LRRC69: variants seen among roughly 807,000 people sequenced by gnomAD.
LRRC69 encodes leucine-rich repeat-containing protein 69.
In LRRC69, 42 loss-of-function variants were observed where a neutral mutation model predicts 37.8. That is an observed-to-expected ratio of 1.11 (90% CI 0.87 to 1.44). The LOEUF is 1.44. Among genes scored for constraint, LRRC69 ranks in the 40% most tolerant of loss-of-function variants. LRRC69 has a pLI of 0.00. For missense variants in LRRC69, 357 were observed against 401.9 expected, an observed-to-expected ratio of 0.89 and a Z score of 0.96; for synonymous variants, 141 against 143.1, an observed-to-expected ratio of 0.99 and a Z score of 0.11.
intron 3 of LRRC69, among the ~76,000 whole-genome samples, chr8:91,129,875 T>C (rs1232143796): frequency 6.6e-6 from 1 of 152,072 alleles, no homozygotes; most frequent in Non-Finnish European, 1.5e-5. Flanking sequence ...TTCTGTCTTC[T>C]CCATTCTACC....
chr8:91,209,743 A>G (rs949323376), intron 7 of LRRC69, among the ~76,000 whole-genome samples: 2 of 152,226 alleles, frequency 1.3e-5, no homozygotes, highest in Non-Finnish European at 2.9e-5. Context: ...TAGAATTTTT[A>G]ATAGAATTTT....
At chr8:91,137,832 G>A (rs1386142859) in intron 5 of LRRC69, among the ~76,000 whole-genome samples, 1 of 151,954 alleles carries the variant, frequency 6.6e-6, no homozygotes, top group Non-Finnish European at 1.5e-5. Context: ...GAGGAGAAAT[G>A]ACCGACTCTA....
At chr8:91,189,563 C>T (rs1046825743) in exon 6 of LRRC69, 7 of 1,551,006 alleles carry the variant, frequency 4.5e-6, no homozygotes, top group East Asian at 4.9e-5. Context: ...GTGAGGGAAA[C>T]CCACTGTTCC....
At chr8:91,197,072 C>T (rs1809616919) in intron 6 of LRRC69, among the ~76,000 whole-genome samples, 1 of 151,876 alleles carries the variant, frequency 6.6e-6, no homozygotes, top group Non-Finnish European at 1.5e-5. Context: ...ACAGGACCCT[C>T]AGCTGCAGGT....
At chr8:91,119,745 T>G (rs1397921300) in intron 1 of LRRC69, among the ~76,000 whole-genome samples, 1 of 152,020 alleles carries the variant, frequency 6.6e-6, no homozygotes, top group Admixed American at 6.6e-5. Context: ...TGTTTCATAT[T>G]TCCGTGAGAA....
At chr8:91,123,521 A>G (rs1049730918) in intron 1 of LRRC69, among the ~76,000 whole-genome samples, 1 of 152,036 alleles carries the variant, frequency 6.6e-6, no homozygotes, top group Non-Finnish European at 1.5e-5. Context: ...ATTGTCTTAC[A>G]TCCATAACAA....
At chr8:91,211,449 C>T (rs531399098) in intron 7 of LRRC69, among the ~76,000 whole-genome samples, 8 of 150,728 alleles carry the variant, frequency 5.3e-5, no homozygotes, top group East Asian at 3.9e-4. Context: ...ATTTAAATGC[C>T]GTTCATAAGT....
intron 6 of LRRC69, among the ~76,000 whole-genome samples, chr8:91,192,263 G>A (rs1586276662): frequency 6.6e-6 from 1 of 151,970 alleles, no homozygotes; most frequent in East Asian, 1.9e-4. Flanking sequence ...CATTTGGGTT[G>A]GTTCCAAGTC....
At chr8:91,124,108 C>T (rs1445262187) in intron 1 of LRRC69, among the ~76,000 whole-genome samples, 5 of 151,874 alleles carry the variant, frequency 3.3e-5, no homozygotes, top group East Asian at 1.9e-4. Flanking sequence ...TTTCTGTTTT[C>T]AGTAACTTAG....
intron 5 of LRRC69, among the ~76,000 whole-genome samples, chr8:91,136,403 C>T (rs1004958036): frequency 6.6e-6 from 1 of 151,776 alleles, no homozygotes; most frequent in African/African-American, 2.4e-5. Context: ...TCTTTTTTTA[C>T]CTCCTAGAGC....
At chr8:91,111,278 T>C (rs1813406663) in intron 1 of LRRC69, among the ~76,000 whole-genome samples, 1 of 152,112 alleles carries the variant, frequency 6.6e-6, no homozygotes, top group Non-Finnish European at 1.5e-5. Flanking sequence ...CTCATGCCTG[T>C]AATCCCAGCA....
intron 5 of LRRC69, among the ~76,000 whole-genome samples, chr8:91,166,492 GAAAA>G (rs66705016): frequency 0.098 from 9,292 of 95,018 alleles, 351 homozygotes; most frequent in East Asian, 0.23. Context: ...AAAATAAACT[GAAAA>G]AAAAAAAAAA....
chr8:91,194,785 A>G (rs560092050), intron 6 of LRRC69, among the ~76,000 whole-genome samples: 348 of 152,180 alleles, frequency 2.3e-3, no homozygotes, highest in African/African-American at 8.1e-3. Flanking sequence ...TGATCCTTTC[A>G]AAAAACCAGC....
chr8:91,112,779 A>G (rs1177349024), intron 1 of LRRC69, among the ~76,000 whole-genome samples: 3 of 152,010 alleles, frequency 2.0e-5, no homozygotes, highest in South Asian at 2.1e-4. Context: ...GAAAATAAAT[A>G]ATGTTATCTC....
intron 5 of LRRC69, among the ~76,000 whole-genome samples, chr8:91,137,825 G>C (rs1291264021): frequency 6.6e-6 from 1 of 151,962 alleles, no homozygotes; most frequent in Non-Finnish European, 1.5e-5. Flanking sequence ...GGACCTAGAG[G>C]AGAAATGACC....
At chr8:91,193,370 T>TA (rs1407465381) in intron 6 of LRRC69, among the ~76,000 whole-genome samples, 1 of 142,768 alleles carries the variant, frequency 7.0e-6, no homozygotes, top group African/African-American at 2.6e-5. Context: ...AGTAGTTTTT[T>TA]CCAATTCTGT....
intron 1 of LRRC69, among the ~76,000 whole-genome samples, chr8:91,117,153 A>G (rs1813524483): frequency 6.6e-6 from 1 of 150,820 alleles, no homozygotes; most frequent in Non-Finnish European, 1.5e-5. Flanking sequence ...GGAAACATTT[A>G]GGATATACTG....
At chr8:91,153,162 GCTAA>G (rs1808771579) in intron 5 of LRRC69, among the ~76,000 whole-genome samples, 1 of 151,338 alleles carries the variant, frequency 6.6e-6, no homozygotes, top group South Asian at 2.1e-4. Flanking sequence ...AACAAGAAGA[GCTAA>G]CTATCCTAAA....
chr8:91,119,669 T>G (rs2130495013), intron 1 of LRRC69, among the ~76,000 whole-genome samples: 1 of 152,172 alleles, frequency 6.6e-6, no homozygotes, highest in East Asian at 1.9e-4. Flanking sequence ...TCCCCTAGAT[T>G]GCCTTTCAAA....
Sources: allele counts gnomAD v4.1 joint callset (sites outside exome capture counted in the v4.1 genomes callset), GRCh38; gene constraint gnomAD v4.1.1; transcripts MANE v1.5; gene names NCBI Gene and HGNC (gene_info 2026-07-23, HGNC 2026-07-21).